EHBP1: variants seen among roughly 807,000 people sequenced by gnomAD.
EHBP1 encodes the protein EH domain-binding protein 1.
In EHBP1, 55 loss-of-function variants were observed where a neutral mutation model predicts 144.0. That is an observed-to-expected ratio of 0.38 (90% CI 0.31 to 0.48). The LOEUF (loss-of-function observed/expected upper bound fraction) is 0.48, where lower values mean the gene tolerates loss of function less well. Ranked by LOEUF, EHBP1 falls within the 20% of genes least tolerant of loss-of-function variation. EHBP1 has a pLI of 0.98. For synonymous variants in EHBP1, 469 were observed against 472.7 expected (o/e 0.99, Z 0.10); for missense variants, 1,200 against 1,364.2 (o/e 0.88, Z 1.90).
At chr2:62,878,292 A>G (rs1034794468) in intron 10 of EHBP1, among the ~76,000 whole-genome samples, 2 of 152,212 alleles carry the variant, frequency 1.3e-5, no homozygotes, top group African/African-American at 2.4e-5. Flanking sequence ...GAACAGACCA[A>G]TAATAAGGTC....
chr2:62,842,715 A>C (rs1432511334), intron 7 of EHBP1, among the ~76,000 whole-genome samples: 2 of 152,144 alleles, frequency 1.3e-5, no homozygotes, highest in Non-Finnish European at 2.9e-5. Context: ...GGATCTTTTT[A>C]GTTAGAGAAT....
At chr2:62,841,931 G>A (rs748086746) in intron 7 of EHBP1, among the ~76,000 whole-genome samples, 2 of 152,008 alleles carry the variant, frequency 1.3e-5, no homozygotes, top group Non-Finnish European at 2.9e-5. Context: ...GAAATTTATT[G>A]CACACAGTTT....
intron 10 of EHBP1, among the ~76,000 whole-genome samples, chr2:62,882,979 A>G (rs1273383534): frequency 6.6e-6 from 1 of 152,148 alleles, no homozygotes. Flanking sequence ...AACTGAGGAT[A>G]CACACACACA....
chr2:62,871,288 A>G (rs529675338), intron 9 of EHBP1, among the ~76,000 whole-genome samples: 1 of 152,350 alleles, frequency 6.6e-6, no homozygotes, highest in Admixed American at 6.5e-5. Context: ...AAATGCCTTA[A>G]TAAAAACTAA....
At chr2:63,038,900 C>A in intron 21 of EHBP1, 84 bp downstream of exon 21, 2 of 1,329,802 alleles carry the variant, frequency 1.5e-6, no homozygotes, top group Non-Finnish European at 2.2e-6. Context: ...TCTGGTCTTA[C>A]TAGATCTGGT....
At chr2:63,034,460 C>T (rs1200818230) in intron 19 of EHBP1, among the ~76,000 whole-genome samples, 2 of 151,752 alleles carry the variant, frequency 1.3e-5, no homozygotes, top group Non-Finnish European at 2.9e-5. Context: ...AGGTAGTTAA[C>T]CAGGTTAGGT....
intron 18 of EHBP1, among the ~76,000 whole-genome samples, chr2:62,995,930 A>C (rs2059612703): frequency 6.6e-6 from 1 of 152,100 alleles, no homozygotes; most frequent in African/African-American, 2.4e-5. Flanking sequence ...GGCTAAATGG[A>C]AGATTAACCA....
intron 4 of EHBP1, among the ~76,000 whole-genome samples, chr2:62,766,823 G>C (rs1203698991): frequency 6.6e-6 from 1 of 151,730 alleles, no homozygotes; most frequent in African/African-American, 2.4e-5. Flanking sequence ...CATTTATTTG[G>C]ATTTAGAACT....
At chr2:62,877,278 A>G (rs1441679855) in intron 10 of EHBP1, among the ~76,000 whole-genome samples, 1 of 152,246 alleles carries the variant, frequency 6.6e-6, no homozygotes, top group African/African-American at 2.4e-5. Flanking sequence ...ACATAATGGT[A>G]AGGGGTTCAA....
intron 21 of EHBP1, among the ~76,000 whole-genome samples, chr2:63,040,035 A>G (rs1044944338): frequency 1.3e-5 from 2 of 152,000 alleles, no homozygotes; most frequent in Non-Finnish European, 2.9e-5. Context: ...GTGCACAACT[A>G]TACTAAATGG....
At chr2:63,036,776 T>C (rs531606180) in intron 19 of EHBP1, among the ~76,000 whole-genome samples, 1 of 152,020 alleles carries the variant, frequency 6.6e-6, no homozygotes, top group African/African-American at 2.4e-5. Context: ...TAATATGGAT[T>C]ATATTGGCCT....
intron 21 of EHBP1, among the ~76,000 whole-genome samples, chr2:63,040,641 G>A (rs973672990): frequency 6.6e-6 from 1 of 152,150 alleles, no homozygotes; most frequent in African/African-American, 2.4e-5. Context: ...TACATTGTCT[G>A]TATATATATG....
chr2:62,852,091 A>G (rs911185647), intron 7 of EHBP1, among the ~76,000 whole-genome samples: 3 of 152,130 alleles, frequency 2.0e-5, no homozygotes, highest in African/African-American at 4.8e-5. Flanking sequence ...GTAAAGACTA[A>G]CTCTAATACT....
At chr2:62,749,314 C>T (rs2039453492) in intron 3 of EHBP1, among the ~76,000 whole-genome samples, 1 of 152,218 alleles carries the variant, frequency 6.6e-6, no homozygotes, top group South Asian at 2.1e-4. Flanking sequence ...AGGACATGAA[C>T]TCATCCTTTT....
intron 19 of EHBP1, among the ~76,000 whole-genome samples, chr2:63,032,428 C>T (rs1456211293): frequency 6.0e-5 from 9 of 151,196 alleles, no homozygotes; most frequent in Admixed American, 2.6e-4. Flanking sequence ...ATTAGCTGGG[C>T]GTGCTGGCGG....
At chr2:62,709,842 A>G (rs1444358011) in intron 2 of EHBP1, among the ~76,000 whole-genome samples, 1 of 152,148 alleles carries the variant, frequency 6.6e-6, no homozygotes, top group African/African-American at 2.4e-5. Flanking sequence ...TACCAGTTCT[A>G]GAACCACTAG....
At position 62,895,749 on chromosome 2, in the gene EHBP1, A is replaced by G. The variant is rs184724190; in HGVS notation, c.1185+21217A>G. Among the ~76,000 whole-genome samples the G allele has an allele frequency of 3.9e-4, 59 of 152,324 alleles. 1 individual carries two copies. The East Asian group carries it at 0.011, about 28-fold the overall frequency. On this transcript the variant is annotated intron_variant, in intron 10 of 22. Coordinates refer to ENST00000431489, the MANE Select transcript of EHBP1 (RefSeq NM_001142616.3). ...ATCATGAGGTTCTGAGCCATTGAGC[A>G]ATGCAGTGAAGAAAGAGTAAACAAA...
rs569132607 is a variant in EHBP1 at position 62,695,798 on chromosome 2, A to C, written c.-295-11099A>C. ...TGCAGTCACCACTTGCTGCAGCCTC[A>C]ACCTCCCAGGCTCGAGTGATTCTCC... is the stretch of plus-strand genomic sequence containing the variant. On this transcript the variant is annotated intron_variant, in intron 1 of 22. Transcript: ENST00000405015. Among the ~76,000 whole-genome samples, 3 of 151,926 alleles carry C rather than the reference A, an allele frequency of 2.0e-5. No individual in the cohort carries two copies. The South Asian group carries it at 6.3e-4, about 32-fold the overall frequency.
At chr2:63,008,406 T>A (rs2060130266) in intron 19 of EHBP1, among the ~76,000 whole-genome samples, 1 of 151,548 alleles carries the variant, frequency 6.6e-6, no homozygotes, top group African/African-American at 2.4e-5. Context: ...TTCAGTCTTG[T>A]TTTTTTCATT....
Sources: allele counts gnomAD v4.1 joint callset (sites outside exome capture counted in the v4.1 genomes callset), GRCh38; gene constraint gnomAD v4.1.1; transcripts MANE v1.5; gene names NCBI Gene and HGNC (gene_info 2026-07-23, HGNC 2026-07-21).